CEMIP: variants seen among roughly 807,000 people sequenced by gnomAD.
The protein encoded by CEMIP is cell migration-inducing and hyaluronan-binding protein.
In CEMIP, 105 loss-of-function variants were observed where a neutral mutation model predicts 156.9. The observed-to-expected ratio is 0.67, with a 90% confidence interval of 0.57 to 0.79. The LOEUF (loss-of-function observed/expected upper bound fraction) is 0.79. Ranked by LOEUF, CEMIP falls within the 30% of genes least tolerant of loss-of-function variation. The pLI is 0.00. For synonymous variants in CEMIP, 676 were observed against 668.4 expected (o/e 1.01, Z -0.17); for missense variants, 1,457 against 1,769.4 (o/e 0.82, Z 3.17).
At chr15:80,811,177 G>A (rs2141626451) in intron 1 of CEMIP, among the ~76,000 whole-genome samples, 1 of 152,330 alleles carries the variant, frequency 6.6e-6, no homozygotes, top group East Asian at 1.9e-4. Flanking sequence ...ATAGAAGAAT[G>A]TCAGGTGGTT....
At chr15:80,897,579 G>A (rs1466387018) in intron 12 of CEMIP, among the ~76,000 whole-genome samples, 1 of 152,206 alleles carries the variant, frequency 6.6e-6, no homozygotes. Context: ...GCAGCAGCTT[G>A]TGGGTAGAGG....
At chr15:80,879,353 C>T (rs1334897396) in intron 4 of CEMIP, among the ~76,000 whole-genome samples, 1 of 152,182 alleles carries the variant, frequency 6.6e-6, no homozygotes. Flanking sequence ...CCTTAAAATA[C>T]AGTTTGACAA....
At chr15:80,900,638 G>GTGTGTGTGTCTGTC in intron 12 of CEMIP, among the ~76,000 whole-genome samples, 1 of 101,964 alleles carries the variant, frequency 9.8e-6, no homozygotes, top group South Asian at 3.2e-4. Context: ...GTGTGTGTGT[G>GTGTGTGTGTCTGTC]TGTGTGTGTG....
intron 1 of CEMIP, among the ~76,000 whole-genome samples, chr15:80,815,168 T>C (rs533940498): frequency 1.3e-5 from 2 of 152,374 alleles, no homozygotes; most frequent in Non-Finnish European, 2.9e-5. Flanking sequence ...GCCAGGATGC[T>C]GGGAGAACGG....
intron 11 of CEMIP, 73 bp downstream of exon 11, chr15:80,895,195 C>A: frequency 1.3e-6 from 2 of 1,594,622 alleles, no homozygotes; most frequent in Non-Finnish European, 1.7e-6. Flanking sequence ...ATGCAGGCAA[C>A]TTCCAGACCT....
Position 80,924,701 on chromosome 15 carries a change from T to C in CEMIP, c.2283T>C (p.Ser761=), listed in dbSNP as rs765615250. 19 of 1,613,994 alleles carry C rather than the reference T, an allele frequency of 1.2e-5. No individual in the cohort carries two copies. In the South Asian group the frequency reaches 1.9e-4, roughly 16 times the overall value. Residue 761 remains serine, a synonymous_variant, in exon 18 of 30, where the codon TCT becomes TCC. Transcript: ENST00000394685. ...AGCGGCCGTTCCTCTCAATCATCTCTGCCAGGTAATCAGCCATTGGGAAGA... is the reference window on the plus strand; with the variant it reads ...AGCGGCCGTTCCTCTCAATCATCTCCGCCAGGTAATCAGCCATTGGGAAGA... ...KDKRPFLSII[S]ARYSPHQDAD... is the part of the protein sequence containing the mutation.
intron 1 of CEMIP, among the ~76,000 whole-genome samples, chr15:80,785,001 A>AT (rs1236827957): frequency 2.6e-5 from 4 of 152,268 alleles, no homozygotes; most frequent in Non-Finnish European, 5.9e-5. Flanking sequence ...CTTGGAGATA[A>AT]TTATTGTCGC....
chr15:80,882,919 A>G (rs1443197020), intron 6 of CEMIP, among the ~76,000 whole-genome samples: 1 of 152,078 alleles, frequency 6.6e-6, no homozygotes, highest in Non-Finnish European at 1.5e-5. Flanking sequence ...TGAAGACAGG[A>G]GTGGGCGGGT....
intron 16 of CEMIP, 54 bp downstream of exon 16, chr15:80,921,155 G>C: frequency 6.6e-7 from 1 of 1,504,038 alleles, no homozygotes; most frequent in Non-Finnish European, 9.2e-7. Flanking sequence ...GCTGGAGTCA[G>C]GGAGACAGCC....
intron 1 of CEMIP, among the ~76,000 whole-genome samples, chr15:80,800,241 C>T (rs2141600168): frequency 6.6e-6 from 1 of 152,102 alleles, no homozygotes. Context: ...TCTGGGTTTC[C>T]AGAGCACCTC....
At chr15:80,926,418 G>C (rs1900670347) in intron 19 of CEMIP, among the ~76,000 whole-genome samples, 1 of 152,200 alleles carries the variant, frequency 6.6e-6, no homozygotes, top group Non-Finnish European at 1.5e-5. Flanking sequence ...TGCCTTTTGT[G>C]TTAAAAATGG....
At chr15:80,794,874 G>A (rs1896176971) in intron 1 of CEMIP, among the ~76,000 whole-genome samples, 1 of 152,210 alleles carries the variant, frequency 6.6e-6, no homozygotes, top group Non-Finnish European at 1.5e-5. Context: ...AGAAAAAATA[G>A]GGGATCTGCT....
At chr15:80,884,471 A>G (rs879909455) in intron 7 of CEMIP, 117 bp downstream of exon 7, 65 of 1,038,438 alleles carry the variant, frequency 6.3e-5, no homozygotes, top group Non-Finnish European at 9.3e-5. Context: ...TAAATGACCT[A>G]GTGGATGCAG....
At chr15:80,789,986 G>C (rs1478765269) in intron 1 of CEMIP, among the ~76,000 whole-genome samples, 4 of 152,206 alleles carry the variant, frequency 2.6e-5, no homozygotes, top group Non-Finnish European at 5.9e-5. Flanking sequence ...GGGGCAGAGA[G>C]GCAGAGTCAC....
intron 1 of CEMIP, among the ~76,000 whole-genome samples, chr15:80,807,630 C>T (rs924154813): frequency 2.0e-5 from 3 of 152,178 alleles, no homozygotes; most frequent in African/African-American, 7.2e-5. Context: ...GTGCATGGTA[C>T]TGTAGTCAGT....
chr15:80,941,785 G>C (rs767281546), intron 25 of CEMIP, 64 bp from the exon 26 acceptor site: 22 of 1,450,232 alleles, frequency 1.5e-5, no homozygotes, highest in Non-Finnish European at 2.1e-5. Flanking sequence ...GTCTCGGTGG[G>C]TGGGAGGAGA....
intron 1 of CEMIP, among the ~76,000 whole-genome samples, chr15:80,824,166 G>T (rs1333347882): frequency 2.0e-5 from 3 of 152,202 alleles, no homozygotes; most frequent in Non-Finnish European, 4.4e-5. Flanking sequence ...CCCTGGGGAC[G>T]GGTGTTGTGT....
chr15:80,886,406 G>T (rs1312257286), intron 7 of CEMIP, among the ~76,000 whole-genome samples: 2 of 152,184 alleles, frequency 1.3e-5, no homozygotes, highest in East Asian at 3.8e-4. Flanking sequence ...GATTTAAGCA[G>T]GAAAGTGGAC....
intron 3 of CEMIP, 41 bp downstream of exon 3, chr15:80,874,014 GA>G (rs1567077637): frequency 6.6e-7 from 1 of 1,520,642 alleles, no homozygotes; most frequent in South Asian, 1.2e-5. Flanking sequence ...TCTCAGCATG[GA>G]AGGCACGGCC....
Sources: gnomAD v4.1 joint callset for allele counts (sites outside exome capture counted in the v4.1 genomes callset) on GRCh38, gnomAD v4.1.1 for gene constraint, MANE v1.5 for transcripts, NCBI Gene and HGNC (gene_info 2026-07-23, HGNC 2026-07-21) for gene names.